The following PIP4P2 variants were observed in gnomAD, a reference collection of about 807,000 sequenced individuals.
PIP4P2 encodes type 2 phosphatidylinositol 4,5-bisphosphate 4-phosphatase.
A neutral mutation model predicts 33.3 loss-of-function variants in PIP4P2; 19 were observed. The ratio of observed to expected loss-of-function variants is 0.57; its 90% CI spans 0.40 to 0.84. The LOEUF (loss-of-function observed/expected upper bound fraction) is 0.84, where lower values mean the gene tolerates loss of function less well. Ranked by LOEUF, PIP4P2 falls within the 40% of genes least tolerant of loss-of-function variation. The pLI, the probability that PIP4P2 is intolerant of heterozygous loss-of-function variation, is 0.00. For synonymous variants in PIP4P2, 110 were observed against 111.9 expected (o/e 0.98, Z 0.11); for missense variants, 270 against 324.7 (o/e 0.83, Z 1.29).
intron 5 of PIP4P2, among the ~76,000 whole-genome samples, chr8:90,997,086 CA>C (rs1201161900): frequency 6.6e-6 from 1 of 151,734 alleles, no homozygotes; most frequent in African/African-American, 2.4e-5. Context: ...TTACAAATAG[CA>C]TTTGATTTTT....
intron 1 of PIP4P2, among the ~76,000 whole-genome samples, chr8:91,031,222 GA>G (rs1332802028): frequency 1.3e-5 from 2 of 152,154 alleles, no homozygotes; most frequent in African/African-American, 4.8e-5. Flanking sequence ...TATAAACTTG[GA>G]AAATGCTTTT....
In PIP4P2 at chr8:91,021,360, T is replaced by C. The variant is rs200597168; in HGVS notation, c.151A>G (p.Ser51Gly). 7.4e-6 allele frequency: 12 copies of C among 1,613,878 alleles called. No homozygotes were observed. In the East Asian group the frequency reaches 2.5e-4, roughly 33 times the overall value. ...CGGCAGTTTATTACTGGAATACCACTGGCGTCTGGACTGGCAATGGCTGTA... is the reference window on the plus strand; with the variant it reads ...CGGCAGTTTATTACTGGAATACCACCGGCGTCTGGACTGGCAATGGCTGTA... ...PYTAIASPDASGIPVINCRVC... is the reference protein window; with the variant it reads ...PYTAIASPDAGGIPVINCRVC... Residue 51 changes from serine (S) to glycine (G), a missense_variant, in exon 2 of 7, where the codon AGT (serine) becomes GGT (glycine). Transcript: ENST00000285419.
chr8:91,028,543 T>C (rs988341557), intron 1 of PIP4P2, among the ~76,000 whole-genome samples: 3 of 152,200 alleles, frequency 2.0e-5, no homozygotes, highest in African/African-American at 7.2e-5. Flanking sequence ...CCAGTAGATA[T>C]GGGGATCCAC....
intron 5 of PIP4P2, among the ~76,000 whole-genome samples, chr8:91,004,627 G>T (rs917184030): frequency 6.6e-6 from 1 of 152,174 alleles, no homozygotes. Context: ...ACTGGGGATG[G>T]ATAGCTAATT....
chr8:91,040,847 T>TGCAGCTGCTGCTGCTGCC lies in PIP4P2; in HGVS notation c.-99_-98insGGCAGCAGCAGCAGCTGC. 4 of 994,460 alleles carry TGCAGCTGCTGCTGCTGCC rather than the reference T, an allele frequency of 4.0e-6. No individual in the cohort carries two copies. Among genetic ancestry groups the TGCAGCTGCTGCTGCTGCC allele is most frequent in the Non-Finnish European group, 5.7e-6 (4 of 695,942 alleles). The allele number at this position is 994,460 out of a possible 1,614,324, so 61.6% of individuals were successfully genotyped here. On this transcript the variant is annotated 5_prime_UTR_variant, in exon 1 of 7. Coordinates refer to ENST00000285419, the MANE Select transcript of PIP4P2 (RefSeq NM_018710.3). ...CTGCCTCTGCTGCCGCTGCTGCCGCTGCAGCTGCTGCTGCTGCCGCCTCCG... is the reference window on the plus strand; with the variant it reads ...CTGCCTCTGCTGCCGCTGCTGCCGCTGCAGCTGCTGCTGCTGCCGCAGCTGCTGCTGCTGCCGCCTCCG...
intron 1 of PIP4P2, among the ~76,000 whole-genome samples, chr8:91,032,415 A>G (rs1412581691): frequency 6.6e-6 from 1 of 152,208 alleles, no homozygotes; most frequent in Non-Finnish European, 1.5e-5. Context: ...AAACAGCAGG[A>G]AGAATGTATT....
At chr8:91,033,924 C>A (rs529450646) in intron 1 of PIP4P2, among the ~76,000 whole-genome samples, 1 of 152,166 alleles carries the variant, frequency 6.6e-6, no homozygotes, top group African/African-American at 2.4e-5. Context: ...GGACTACAGG[C>A]ATGAGCCGCA....
rs770896915 is a variant in PIP4P2 at position 91,040,700 on chromosome 8, T to C, written c.50A>G (p.His17Arg). 1.6e-5 allele frequency: 25 copies of C among 1,612,478 alleles called. No homozygotes were observed. Among genetic ancestry groups the C allele is most frequent in the Non-Finnish European group, 2.0e-5 (24 of 1,179,902 alleles). Residue 17 changes from histidine (H) to arginine (R), a missense_variant, in exon 1 of 7, where the codon CAC (histidine) becomes CGC (arginine). His to Arg is a conservative substitution (Grantham distance 29, BLOSUM62 0). Transcript: ENST00000285419. The stretch of plus-strand genomic sequence containing the variant: ...GGCGGTGGGAGTGACATTTCCGGAG[T>C]GGGATGCTGACAGCAGAGGCGAGCG... The part of the protein sequence containing the change: ...DERSPLLSAS[H>R]SGNVTPTAPP...
chr8:91,008,728 T>C lies in PIP4P2; in HGVS notation c.539+15A>G. On this transcript the variant is annotated intron_variant, in intron 5 of 6. Coordinates refer to ENST00000285419, the MANE Select transcript of PIP4P2 (RefSeq NM_018710.3). ...AAGTATTTCTCAATAATATTTCCAA[T>C]GGTAGGGAACTTACATTTTTTTGCA... 6.2e-7 allele frequency: 1 copy of C among 1,606,760 alleles called. No homozygotes were observed. Among genetic ancestry groups the C allele is most frequent in the Middle Eastern group, 1.7e-4 (1 of 6,026 alleles).
chr8:91,012,553 A>C (rs576056097), intron 4 of PIP4P2, among the ~76,000 whole-genome samples: 10 of 152,258 alleles, frequency 6.6e-5, no homozygotes, highest in African/African-American at 1.9e-4. Flanking sequence ...CTATAGGTGT[A>C]TACAGTGTTC....
intron 5 of PIP4P2, among the ~76,000 whole-genome samples, chr8:91,005,072 A>T (rs573474432): frequency 6.6e-6 from 1 of 152,196 alleles, no homozygotes; most frequent in South Asian, 2.1e-4. Context: ...TGCTGCTTTG[A>T]AAAGCAGATA....
At chr8:91,000,066 C>T (rs1811681390) in intron 5 of PIP4P2, among the ~76,000 whole-genome samples, 1 of 151,888 alleles carries the variant, frequency 6.6e-6, no homozygotes, top group Non-Finnish European at 1.5e-5. Flanking sequence ...ATTCATTTGG[C>T]AGTTGCACTT....
intron 5 of PIP4P2, 148 bp from the exon 6 acceptor site, chr8:90,996,892 C>T (rs1490971417): frequency 3.1e-6 from 2 of 640,066 alleles, no homozygotes; most frequent in East Asian, 6.1e-5. Flanking sequence ...ATGCATTAAA[C>T]ATGTCATTTT....
At chr8:91,017,817 C>G (rs1811939482) in intron 4 of PIP4P2, among the ~76,000 whole-genome samples, 2 of 152,170 alleles carry the variant, frequency 1.3e-5, no homozygotes, top group East Asian at 3.9e-4. Flanking sequence ...TAAAAAAAAT[C>G]AAACTAAGTT....
At chr8:91,039,702 T>C (rs1162477551) in intron 1 of PIP4P2, among the ~76,000 whole-genome samples, 3 of 152,290 alleles carry the variant, frequency 2.0e-5, no homozygotes, top group Admixed American at 6.5e-5. Flanking sequence ...TTCACTAACC[T>C]AAGTGGGTTT....
chr8:91,012,012 G>C (rs969924707), intron 4 of PIP4P2, among the ~76,000 whole-genome samples: 1 of 151,826 alleles, frequency 6.6e-6, no homozygotes, highest in Non-Finnish European at 1.5e-5. Context: ...ATCCTTGAGA[G>C]AATTCTCTCT....
At chr8:90,997,324 T>A (rs537150013) in intron 5 of PIP4P2, among the ~76,000 whole-genome samples, 1 of 152,204 alleles carries the variant, frequency 6.6e-6, no homozygotes, top group South Asian at 2.1e-4. Flanking sequence ...TGGATGAATA[T>A]AACATAATTA....
At chr8:91,023,888 A>C (rs1812045322) in intron 1 of PIP4P2, among the ~76,000 whole-genome samples, 1 of 152,038 alleles carries the variant, frequency 6.6e-6, no homozygotes, top group Non-Finnish European at 1.5e-5. Flanking sequence ...GGTTGCTGCA[A>C]AAGTAACTGC....
At chr8:91,019,136 G>A (rs1438931257) in intron 3 of PIP4P2, among the ~76,000 whole-genome samples, 2 of 151,962 alleles carry the variant, frequency 1.3e-5, no homozygotes, top group Non-Finnish European at 1.5e-5. Flanking sequence ...ATGGTACTGG[G>A]CATGAGCGAA....
Sources: allele counts gnomAD v4.1 joint callset (sites outside exome capture counted in the v4.1 genomes callset), GRCh38; gene constraint gnomAD v4.1.1; transcripts MANE v1.5; gene names NCBI Gene and HGNC (gene_info 2026-07-23, HGNC 2026-07-21).